Variants in ZDHHC15 observed in about 807,000 individuals in gnomAD.
The protein encoded by ZDHHC15 is zDHHC palmitoyltransferase 15.
A neutral mutation model predicts 31.7 loss-of-function variants in ZDHHC15; 19 were observed. That is an observed-to-expected ratio of 0.60 (90% CI 0.42 to 0.88). The LOEUF is 0.88. Ranked by LOEUF, ZDHHC15 falls within the 40% of genes least tolerant of loss-of-function variation. The pLI, the probability that ZDHHC15 is intolerant of heterozygous loss-of-function variation, is 0.00. For missense variants in ZDHHC15, 209 were observed against 251.2 expected (o/e 0.83, Z 1.14); for synonymous variants, 103 against 90.0 (o/e 1.14, Z -0.82).
At chrX:75,413,605 C>T (rs2083510565) in intron 10 of ZDHHC15, among the ~76,000 whole-genome samples, 1 of 108,787 alleles carries the variant, frequency 9.2e-6, no homozygotes, top group African/African-American at 3.4e-5. Context: ...GCAGAGGTTG[C>T]AGTGAGCCGA....
intron 4 of ZDHHC15, among the ~76,000 whole-genome samples, chrX:75,440,102 C>T (rs996731978): frequency 9.0e-6 from 1 of 111,395 alleles, no homozygotes; most frequent in Non-Finnish European, 1.9e-5. Flanking sequence ...CTGTGAGGAT[C>T]CTTGACTGTA....
intron 10 of ZDHHC15, among the ~76,000 whole-genome samples, chrX:75,412,810 T>A (rs778893742): frequency 8.9e-6 from 1 of 111,816 alleles, no homozygotes; most frequent in Non-Finnish European, 1.9e-5. Flanking sequence ...TTAAGTGGTA[T>A]AAGCCAGACA....
intron 2 of ZDHHC15, among the ~76,000 whole-genome samples, chrX:75,498,317 G>GA (rs769947427): frequency 1.5e-4 from 16 of 110,273 alleles, no homozygotes; most frequent in African/African-American, 3.0e-4. Flanking sequence ...GGTAAAGAGA[G>GA]AAAAAAAATC....
chrX:75,460,899 C>A (rs2084303410), intron 3 of ZDHHC15, among the ~76,000 whole-genome samples: 1 of 111,905 alleles, frequency 8.9e-6, no homozygotes, highest in East Asian at 2.8e-4. Context: ...ATGAATGCAA[C>A]ACCTCTAGAG....
intron 2 of ZDHHC15, among the ~76,000 whole-genome samples, chrX:75,500,560 G>C (rs1307791318): frequency 9.2e-6 from 1 of 109,204 alleles, no homozygotes; most frequent in Non-Finnish European, 1.9e-5. Context: ...TCTATGAATA[G>C]TGATAGAGGA....
At chrX:75,468,124 C>T (rs1242575462) in intron 3 of ZDHHC15, among the ~76,000 whole-genome samples, 4 of 106,972 alleles carry the variant, frequency 3.7e-5, no homozygotes, top group African/African-American at 1.4e-4. Context: ...CGGGTCACCA[C>T]AACCTCTGCC....
At chrX:75,495,076 C>G (rs1016662992) in intron 2 of ZDHHC15, among the ~76,000 whole-genome samples, 7 of 111,150 alleles carry the variant, frequency 6.3e-5, no homozygotes, top group African/African-American at 2.3e-4. Context: ...TGAACTTAAA[C>G]AAATTTTCAA....
chrX:75,377,043 T>C (rs1222533016), intron 11 of ZDHHC15, among the ~76,000 whole-genome samples: 1 of 111,682 alleles, frequency 9.0e-6, no homozygotes, highest in Admixed American at 9.6e-5. Flanking sequence ...AATGTATTAA[T>C]GCATTCTTCT....
chrX:75,515,619 C>T (rs778854393), intron 1 of ZDHHC15, among the ~76,000 whole-genome samples: 3 of 111,605 alleles, frequency 2.7e-5, no homozygotes, highest in Admixed American at 9.6e-5. Context: ...AAACCCACAG[C>T]CAATATCCTA....
chrX:75,483,038 CATATATACATATATACACATATGTGT>C (rs1213949717), intron 2 of ZDHHC15, among the ~76,000 whole-genome samples: 4 of 98,273 alleles, frequency 4.1e-5, no homozygotes, highest in Admixed American at 1.1e-4. Context: ...CACACACATA[CATATATACATATATACACATATGTGT>C]ATATATATGT....
At position 75,523,006 on chromosome X, in the gene ZDHHC15, T is replaced by C. The variant is rs760077227; in HGVS notation, c.19A>G (p.Met7Val). The change falls in exon 1 of 12, where the codon ATG (methionine) becomes GTG (valine). Residue 7 changes from methionine to valine, a missense_variant. Coordinates refer to ENST00000373367, the MANE Select transcript of ZDHHC15 (RefSeq NM_144969.3). MRRGWK[M>V]ALSGGLRCCR... ...CACCGCAGCCCCCCAGACAGAGCCA[T>C]CTTCCAGCCTCGCCGCATCTTTGGC... 2.5e-6 allele frequency: 3 copies of C among 1,202,773 alleles called. No homozygotes were observed. Among genetic ancestry groups the C allele is most frequent in the Non-Finnish European group, 3.4e-6 (3 of 890,311 alleles).
At position 75,448,821 on chromosome X, in the gene ZDHHC15, T is replaced by C. The variant is rs144481425; in HGVS notation, c.379+1981A>G. ...TTTACTGGGTCATAGGGTACCTAGATATTTGGTTAAGTATTATTTCTAGGT... is the reference window on the plus strand; with the variant it reads ...TTTACTGGGTCATAGGGTACCTAGACATTTGGTTAAGTATTATTTCTAGGT... On this transcript the variant is annotated intron_variant, in intron 4 of 11. Transcript: ENST00000373367. Among the ~76,000 whole-genome samples, 60 of 110,817 alleles carry C rather than the reference T, an allele frequency of 5.4e-4. 1 individual carries two copies. Among genetic ancestry groups the C allele is most frequent in the African/African-American group, 1.9e-3 (57 of 30,491 alleles).
intron 3 of ZDHHC15, among the ~76,000 whole-genome samples, chrX:75,463,755 C>T (rs1287770777): frequency 1.8e-5 from 2 of 111,685 alleles, no homozygotes; most frequent in East Asian, 5.7e-4. Context: ...CCATCTCACA[C>T]CAGTTAGAAT....
chrX:75,379,548 G>A (rs949755905), intron 10 of ZDHHC15, among the ~76,000 whole-genome samples: 6 of 111,816 alleles, frequency 5.4e-5, no homozygotes, highest in African/African-American at 9.7e-5. Context: ...TTATTCCACC[G>A]GACATAATTG....
rs1450880281 is a variant in ZDHHC15 at position 75,384,487 on chromosome X, G to A, written c.968-5289C>T. On this transcript the variant is annotated intron_variant, in intron 10 of 11. Transcript: ENST00000373367. ...TGTAGACATCAAGGGAATGGGTACT[G>A]TTCAAAAAGGAATGCCCCACAAGTG... 1.2e-5 allele frequency: 9 copies of A among 721,974 alleles called. No individual in the cohort carries two copies. The South Asian group carries it at 1.3e-4, about 10-fold the overall frequency. 59.5% of individuals were successfully genotyped at this position (721,974 alleles called of 1,213,427 possible). A position where few individuals can be genotyped will look rare whatever the true frequency, so the allele number is the denominator to read the frequency against.
chrX:75,475,153 T>A (rs769645125), intron 3 of ZDHHC15, among the ~76,000 whole-genome samples: 2 of 112,713 alleles, frequency 1.8e-5, no homozygotes, highest in South Asian at 7.3e-4. Flanking sequence ...TTATCTAACA[T>A]ATTACTTATA....
chrX:75,437,786 C>A (rs1376293826), intron 4 of ZDHHC15, among the ~76,000 whole-genome samples: 1 of 110,529 alleles, frequency 9.0e-6, no homozygotes, highest in Admixed American at 9.7e-5. Context: ...ATTTACAGTC[C>A]TTTGGGTATA....
intron 10 of ZDHHC15, among the ~76,000 whole-genome samples, chrX:75,409,177 C>T (rs931451520): frequency 9.0e-6 from 1 of 111,471 alleles, no homozygotes; most frequent in East Asian, 2.8e-4. Flanking sequence ...CTGGAGGCAC[C>T]ACACTACCTA....
chrX:75,435,646 T>C (rs2083841320), intron 4 of ZDHHC15, among the ~76,000 whole-genome samples: 1 of 112,488 alleles, frequency 8.9e-6, no homozygotes, highest in African/African-American at 3.2e-5. Flanking sequence ...ACCACATTTA[T>C]TGACTTGCCT....
Sources: allele counts gnomAD v4.1 joint callset (sites outside exome capture counted in the v4.1 genomes callset), GRCh38; gene constraint gnomAD v4.1.1; transcripts MANE v1.5; gene names NCBI Gene and HGNC (gene_info 2026-07-23, HGNC 2026-07-21).